MYT1L: variants seen among roughly 807,000 people sequenced by gnomAD.
The protein encoded by MYT1L is myelin transcription factor 1 like, also known as myelin transcription factor 1-like protein.
MYT1L carries 12 observed loss-of-function variants against 126.7 expected under a neutral mutation model. The observed-to-expected ratio is 0.09, with a 90% CI of 0.06 to 0.15. MYT1L has a LOEUF of 0.15. Among genes scored for constraint, MYT1L ranks in the 10% least tolerant of loss-of-function variants. The pLI, the probability that MYT1L is intolerant of heterozygous loss-of-function variation, is 1.00. For missense variants in MYT1L, 979 were observed against 1,585.2 expected, an observed-to-expected ratio of 0.62 and a Z score of 6.49; for synonymous variants, 541 against 604.2, an observed-to-expected ratio of 0.90 and a Z score of 1.53.
At position 2,197,639 on chromosome 2, in the gene MYT1L, G is replaced by A. The variant is rs563069228; in HGVS notation, c.-420-24651C>T. Among the ~76,000 whole-genome samples the A allele has an allele frequency of 3.4e-4, 50 of 146,034 alleles. 2 individuals are homozygous for A. In the South Asian group the frequency reaches 4.4e-3, roughly 13 times the overall value. On this transcript the variant is annotated intron_variant, in intron 2 of 24. Transcript: ENST00000647738. The stretch of plus-strand genomic sequence containing the variant: ...TATATACACACATGCACACACACAC[G>A]CATACAACGAATGTGTAGAGATGTA...
chr2:2,146,042 A>T (rs189795219), intron 3 of MYT1L, among the ~76,000 whole-genome samples: 1 of 152,364 alleles, frequency 6.6e-6, no homozygotes, highest in African/African-American at 2.4e-5. Context: ...GGGAATTATT[A>T]GTACCATTGT....
intron 18 of MYT1L, among the ~76,000 whole-genome samples, chr2:1,875,591 C>T (rs1411392904): frequency 2.6e-5 from 4 of 152,192 alleles, no homozygotes; most frequent in African/African-American, 7.2e-5. Context: ...CCTCAGTTTC[C>T]CTCCCGGCCT....
intron 13 of MYT1L, among the ~76,000 whole-genome samples, chr2:1,903,801 T>C (rs956868969): frequency 2.0e-5 from 3 of 152,216 alleles, no homozygotes; most frequent in Non-Finnish European, 4.4e-5. Context: ...TAGGTGGTAA[T>C]GTACCTTGTC....
chr2:1,800,457 C>G (rs530479609), intron 23 of MYT1L, among the ~76,000 whole-genome samples: 1 of 152,202 alleles, frequency 6.6e-6, no homozygotes, highest in African/African-American at 2.4e-5. Context: ...ATCAAAACAC[C>G]CAGGCAGCAG....
intron 2 of MYT1L, among the ~76,000 whole-genome samples, chr2:2,276,839 C>A (rs551600844): frequency 3.4e-4 from 52 of 152,286 alleles, no homozygotes; most frequent in African/African-American, 1.1e-3. Flanking sequence ...TTACTCCACA[C>A]CCCCCTGGAA....
At chr2:1,813,493 GC>G (rs1390301685) in intron 21 of MYT1L, among the ~76,000 whole-genome samples, 1 of 152,148 alleles carries the variant, frequency 6.6e-6, no homozygotes, top group Non-Finnish European at 1.5e-5. Flanking sequence ...CAAACTCCCG[GC>G]CGTGGCCTGT....
Position 1,917,144 on chromosome 2 carries a change from T to A in MYT1L, c.1618+61A>T. 1 of 1,564,980 alleles carries A rather than the reference T, an allele frequency of 6.4e-7. No individual in the cohort carries two copies. The highest frequency in any genetic ancestry group is 1.3e-5 in the African/African-American group (1 of 74,152). ...TGGAGATGATGTCAGGTAAGAGGGA[T>A]GACAGAGACAGAGTCATGGGTGTTT... On this transcript the variant is annotated intron_variant, in intron 11 of 24. Coordinates refer to ENST00000647738, the MANE Select transcript of MYT1L (RefSeq NM_001303052.2). This position sits in a 1 kb window ranked among gnomAD's most constrained non-coding sequence, Gnocchi z 5.9.
intron 18 of MYT1L, among the ~76,000 whole-genome samples, chr2:1,860,336 G>T (rs2044426263): frequency 6.6e-6 from 1 of 152,154 alleles, no homozygotes; most frequent in African/African-American, 2.4e-5. Flanking sequence ...AAAGGTGACT[G>T]GTGCAGCTGA....
At chr2:2,216,926 G>A (rs2093693466) in intron 2 of MYT1L, among the ~76,000 whole-genome samples, 1 of 152,026 alleles carries the variant, frequency 6.6e-6, no homozygotes, top group Non-Finnish European at 1.5e-5. Flanking sequence ...ATAACTTAGG[G>A]GAAATAGAAA....
rs140887520 is a variant in MYT1L, at chr2:2,315,459, A to G, written c.-521+15508T>C. Among the ~76,000 whole-genome samples, 674 of 152,266 alleles carry G rather than the reference A, an allele frequency of 4.4e-3. 3 individuals carry two copies. The highest frequency in any genetic ancestry group is 0.016 in the African/African-American group (646 of 41,544). On this transcript the variant is annotated intron_variant, in intron 1 of 24. Coordinates refer to ENST00000647738, the MANE Select transcript of MYT1L (RefSeq NM_001303052.2). ...CCTGAACTCTTTAATGAATATGTTTACTTATTTTATGATTATGAAGATAAT... is the reference window on the plus strand; with the variant it reads ...CCTGAACTCTTTAATGAATATGTTTGCTTATTTTATGATTATGAAGATAAT...
At chr2:1,937,945 C>T (rs576890958) in intron 9 of MYT1L, among the ~76,000 whole-genome samples, 3 of 152,182 alleles carry the variant, frequency 2.0e-5, no homozygotes, top group Non-Finnish European at 4.4e-5. Flanking sequence ...AAGACACCTG[C>T]GTGTCACCGG....
intron 3 of MYT1L, among the ~76,000 whole-genome samples, chr2:2,170,043 T>C (rs969591420): frequency 6.6e-6 from 1 of 152,230 alleles, no homozygotes; most frequent in Non-Finnish European, 1.5e-5. Flanking sequence ...CCTTGCTCTC[T>C]TCATCCTTCT....
At chr2:2,171,223 G>A (rs2090009098) in intron 3 of MYT1L, among the ~76,000 whole-genome samples, 1 of 152,126 alleles carries the variant, frequency 6.6e-6, no homozygotes, top group Non-Finnish European at 1.5e-5. Context: ...CAAAATCAAA[G>A]GTGATGCCTC....
At chr2:2,254,702 A>C (rs942024729) in intron 2 of MYT1L, among the ~76,000 whole-genome samples, 2 of 152,044 alleles carry the variant, frequency 1.3e-5, no homozygotes, top group Admixed American at 1.3e-4. Flanking sequence ...GAAAGATGCG[A>C]AATGTTCATT....
intron 3 of MYT1L, among the ~76,000 whole-genome samples, chr2:2,161,411 G>T (rs1359139741): frequency 6.6e-6 from 1 of 152,190 alleles, no homozygotes; most frequent in Non-Finnish European, 1.5e-5. Flanking sequence ...TGCTCACTTG[G>T]ATTTGCTTCA....
Position 1,790,838 on chromosome 2 carries a change from T to C in MYT1L, c.*1029A>G, listed in dbSNP as rs2031959895. 1.2e-5 allele frequency: 2 copies of C among 161,338 alleles called. No individual in the cohort carries two copies. Among genetic ancestry groups the C allele is most frequent in the Admixed American group, 1.2e-4 (2 of 16,906 alleles). 10.0% of individuals were successfully genotyped at this position (161,338 alleles called of 1,614,324 possible). A position where few individuals can be genotyped will look rare whatever the true frequency, so the allele number is the denominator to read the frequency against. On this transcript the variant is annotated 3_prime_UTR_variant, in exon 25 of 25. Coordinates refer to ENST00000647738, the MANE Select transcript of MYT1L (RefSeq NM_001303052.2). The stretch of plus-strand genomic sequence containing the variant: ...AGGTTCATAACAATAATAGGAATAA[T>C]CATAATTTTTTAAAGTGAAAAGGGG...
intron 18 of MYT1L, among the ~76,000 whole-genome samples, chr2:1,856,312 C>T (rs1353608114): frequency 6.6e-6 from 1 of 152,210 alleles, no homozygotes; most frequent in Non-Finnish European, 1.5e-5. Context: ...AAGAAACAAT[C>T]TCTGTGAGCC....
intron 1 of MYT1L, chr2:2,325,022 C>T (rs759698170): frequency 2.0e-5 from 3 of 152,458 alleles, no homozygotes; most frequent in Non-Finnish European, 2.9e-5. Context: ...ATGAGCAGTG[C>T]TGTATTTAAT....
At chr2:2,271,817 C>T (rs2095269000) in intron 2 of MYT1L, among the ~76,000 whole-genome samples, 1 of 151,974 alleles carries the variant, frequency 6.6e-6, no homozygotes, top group African/African-American at 2.4e-5. Flanking sequence ...CCTCATTCCA[C>T]CCCAACGACA....
Sources: gnomAD v4.1 joint callset for allele counts (sites outside exome capture counted in the v4.1 genomes callset) on GRCh38, gnomAD v4.1.1 for gene constraint, Gnocchi (gnomAD v3.1) non-coding constraint, MANE v1.5 for transcripts, NCBI Gene and HGNC (gene_info 2026-07-23, HGNC 2026-07-21) for gene names.